NBPF15: variants seen among roughly 807,000 people sequenced by gnomAD.
NBPF15 encodes NBPF member 15.
Under a neutral mutation model 62.2 loss-of-function variants are expected in NBPF15, and 74 were observed. The ratio of observed to expected loss-of-function variants is 1.19; its 90% confidence interval spans 0.99 to 1.44. The LOEUF (loss-of-function observed/expected upper bound fraction) is 1.44. Ranked by LOEUF, NBPF15 falls within the 40% of genes most tolerant of loss-of-function variation. NBPF15 has a pLI of 0.00. For missense variants in NBPF15, 790 were observed against 550.0 expected, an observed-to-expected ratio of 1.44 and a Z score of -4.36; for synonymous variants, 244 against 209.7, an observed-to-expected ratio of 1.16 and a Z score of -1.41.
chr1:144,456,660 T>A lies in NBPF15; in HGVS notation c.-555A>T. The A allele has an allele frequency of 6.8e-7, 1 of 1,465,192 alleles. No individual in the cohort carries two copies. Among genetic ancestry groups the A allele is most frequent in the Admixed American group, 2.2e-5 (1 of 44,858 alleles). 90.8% of individuals were successfully genotyped at this position (1,465,192 alleles called of 1,614,324 possible). ...ACTGGAAGCCCTGGACAGTGGGAGT[T>A]GGTGGCAGCCCCAGCGTGGAGGCCA... On this transcript the variant is annotated 5_prime_UTR_variant, in exon 4 of 22. Coordinates refer to ENST00000581897, the MANE Select transcript of NBPF15 (RefSeq NM_001385408.1).
Position 144,424,523 on chromosome 1 carries a change from T to C in NBPF15, c.1663+167A>G, listed in dbSNP as rs1413166449. Among the ~76,000 whole-genome samples the C allele has an allele frequency of 5.3e-4, 80 of 152,110 alleles. 1 individual carries two copies. Among genetic ancestry groups the C allele is most frequent in the South Asian group, 3.7e-3 (18 of 4,804 alleles). ...GTCTTGCTCACTGACCCATCCCTTGTCTGGGCTTCCAGGTAGAACTAGAGT... is the reference window on the plus strand; with the variant it reads ...GTCTTGCTCACTGACCCATCCCTTGCCTGGGCTTCCAGGTAGAACTAGAGT... On this transcript the variant is annotated intron_variant, in intron 20 of 21. Transcript: ENST00000581897.
In NBPF15 at chr1:144,456,689, A is replaced by T; in HGVS notation, c.-584T>A. 2 of 1,401,574 alleles carry T rather than the reference A, an allele frequency of 1.4e-6. No homozygotes were observed. The highest frequency in any genetic ancestry group is 1.9e-6 in the Non-Finnish European group (2 of 1,065,536). The allele number at this position is 1,401,574 out of a possible 1,614,324, so 86.8% of individuals were successfully genotyped here. ...GGCAGCCCCAGCGTGGAGGCCAAGA[A>T]CACACAGCACTGAAGCTCCAGGACA... On this transcript the variant is annotated 5_prime_UTR_variant, in exon 4 of 22. Transcript: ENST00000581897.
intron 4 of NBPF15, among the ~76,000 whole-genome samples, chr1:144,455,937 G>A (rs1178769330): frequency 1.6e-4 from 25 of 152,010 alleles, no homozygotes; most frequent in Non-Finnish European, 2.9e-5. Context: ...ATTCCACTGT[G>A]GCCCATAAAT....
In NBPF15 at chr1:144,423,063, C is replaced by T. The variant is rs1253560167; in HGVS notation, c.1963G>A (p.Val655Met). Reference protein sequence around the residue: ...YVDNRFFTLTVTSLHLVFQMG... With the variant: ...YVDNRFFTLTMTSLHLVFQMG... ...TGGAACACCAGGTGGAGACTTGTCA[C>T]CGTCAAAGTAAAAAACCTATTGTCC... Residue 655 changes from valine (V) to methionine (M), a missense_variant, in exon 22 of 22, where the codon GTG becomes ATG. Transcript: ENST00000581897. 1.2e-5 allele frequency: 20 copies of T among 1,611,476 alleles called. No homozygotes were observed. The Middle Eastern group carries it at 6.7e-4, about 54-fold the overall frequency.
chr1:144,428,381 C>T lies in NBPF15; in HGVS notation c.1040+225G>A, dbSNP rs1671545364. 3.9e-5 allele frequency among the ~76,000 whole-genome samples: 6 copies of T among 152,014 alleles called. No homozygotes were observed. The South Asian group carries it at 1.3e-3, about 32-fold the overall frequency. On this transcript the variant is annotated intron_variant, in intron 15 of 21. Transcript: ENST00000581897. ...CCCTGCAGTTACCATGAGAATACAGCTTTTGAGGTATGGTCAACCTTCACT... is the reference window on the plus strand; with the variant it reads ...CCCTGCAGTTACCATGAGAATACAGTTTTTGAGGTATGGTCAACCTTCACT...
intron 16 of NBPF15, 77 bp downstream of exon 16, chr1:144,427,741 G>A: frequency 1.7e-6 from 1 of 603,140 alleles, no homozygotes; most frequent in Non-Finnish European, 2.9e-6. Flanking sequence ...AGCTCAGTAA[G>A]GGCCACTTGC....
intron 17 of NBPF15, among the ~76,000 whole-genome samples, chr1:144,426,786 T>C (rs1193299811): frequency 1.3e-5 from 2 of 151,352 alleles, no homozygotes; most frequent in Non-Finnish European, 2.9e-5. Flanking sequence ...GGCTCAATAA[T>C]TTTCCATAAA....
intron 15 of NBPF15, among the ~76,000 whole-genome samples, chr1:144,428,322 C>T (rs1384793765): frequency 2.6e-5 from 4 of 151,774 alleles, no homozygotes; most frequent in African/African-American, 9.7e-5. Flanking sequence ...AAAAGCATGT[C>T]CTCAATAATT....
chr1:144,425,223 T>A (rs200276981), intron 19 of NBPF15, among the ~76,000 whole-genome samples: 24 of 77,098 alleles, frequency 3.1e-4, no homozygotes, highest in Admixed American at 9.6e-4. Context: ...ACAGTGATCA[T>A]GAAAAGACTG....
intron 3 of NBPF15, among the ~76,000 whole-genome samples, chr1:144,458,452 T>C (rs1649848397): frequency 6.6e-6 from 1 of 150,824 alleles, no homozygotes; most frequent in South Asian, 2.1e-4. Context: ...AACACCCGTA[T>C]GTAGCCAAGA....
In NBPF15 at chr1:144,427,965, T is replaced by A; in HGVS notation, c.1066A>T (p.Lys356Ter). The change falls in exon 16 of 22, where the codon AAA (lysine) becomes TAA (stop). Residue 356 changes from lysine to a stop codon, truncating the protein, a stop_gained. Transcript: ENST00000581897. LOFTEE classifies it high-confidence loss of function. Reference protein sequence around the residue: ...PRLSRELLDEKEPEVLQDSLD... With the variant: ...PRLSRELLDE ...GAGTCCTGCAAGACTTCAGGCTCTT[T>A]CTCATCCAGCAGCTCCCTGCTGAGC... 1 of 780,782 alleles carries A rather than the reference T, an allele frequency of 1.3e-6. No homozygotes were observed. The highest frequency in any genetic ancestry group is 2.4e-6 in the Non-Finnish European group (1 of 423,810). 48.4% of individuals were successfully genotyped at this position (780,782 alleles called of 1,614,324 possible).
chr1:144,435,330 T>TGGGACA lies in NBPF15; in HGVS notation c.567-20_567-15dup, dbSNP rs1428519277. 6.5e-7 allele frequency: 1 copy of TGGGACA among 1,527,812 alleles called. No homozygotes were observed. Among genetic ancestry groups the TGGGACA allele is most frequent in the East Asian group, 2.2e-5 (1 of 44,468 alleles). 94.6% of individuals were successfully genotyped at this position (1,527,812 alleles called of 1,614,324 possible). On this transcript the variant is annotated splice_polypyrimidine_tract_variant and intron_variant, in intron 11 of 21. Transcript: ENST00000581897. ...TTCTGCATCTCCCTGATGAGCCAGG[T>TGGGACA]GGGACAGAGATGACAGAAGATTAAA...
rs1670265170 is a variant in NBPF15 at position 144,427,053 on chromosome 1, C to T, written c.1259G>A (p.Cys420Tyr). 4 of 741,386 alleles carry T rather than the reference C, an allele frequency of 5.4e-6. No individual in the cohort carries two copies. The South Asian group carries it at 5.6e-5, about 10-fold the overall frequency. 45.9% of individuals were successfully genotyped at this position (741,386 alleles called of 1,614,324 possible). ...CATAATTGCTCAAAGTTACCTGGGGCATGATGGGTCTTGGTCTTCTTCCAC... is the reference window on the plus strand; with the variant it reads ...CATAATTGCTCAAAGTTACCTGGGGTATGATGGGTCTTGGTCTTCTTCCAC... ...QEVEEDQDPS[C>Y]PRLSRELLDE... The change falls in exon 17 of 22, where the codon TGC (cysteine) becomes TAC (tyrosine). Residue 420 changes from cysteine to tyrosine, a missense_variant. By Grantham distance (194) the Cys-to-Tyr change is radical. Transcript: ENST00000581897.
At chr1:144,431,461 T>C (rs1472448199) in intron 13 of NBPF15, among the ~76,000 whole-genome samples, 14 of 147,046 alleles carry the variant, frequency 9.5e-5, no homozygotes, top group African/African-American at 3.2e-4. Context: ...TCCTTTATTA[T>C]TTTTTGTGTG....
At position 144,423,059 on chromosome 1, in the gene NBPF15, G is replaced by T; in HGVS notation, c.1967C>A (p.Thr656Lys). 6 of 1,611,616 alleles carry T rather than the reference G, an allele frequency of 3.7e-6. No homozygotes were observed. Among genetic ancestry groups the T allele is most frequent in the Non-Finnish European group, 4.2e-6 (5 of 1,179,634 alleles). Residue 656 changes from threonine to lysine, a missense_variant, in exon 22 of 22, where the codon ACA becomes AAA. Transcript: ENST00000581897. The part of the protein sequence containing the change: ...VDNRFFTLTV[T>K]SLHLVFQMGV... Reference sequence around the variant, plus strand: ...CATCTGGAACACCAGGTGGAGACTTGTCACCGTCAAAGTAAAAAACCTATT... The same window carrying T: ...CATCTGGAACACCAGGTGGAGACTTTTCACCGTCAAAGTAAAAAACCTATT...
At chr1:144,459,314 A>T (rs1271119040) in intron 3 of NBPF15, 52 bp downstream of exon 3, 1 of 151,982 alleles carries the variant, frequency 6.6e-6, no homozygotes, top group Non-Finnish European at 1.5e-5. Context: ...AATGTGGCAA[A>T]ACCCCATCTC....
rs1571137315 is a variant in NBPF15, at chr1:144,439,877, A to T, written c.127T>A (p.Phe43Ile). The change falls in exon 8 of 22, where the codon TTT becomes ATT. Residue 43 changes from phenylalanine to isoleucine, a missense_variant. Physicochemically the swap from Phe to Ile is conservative, Grantham distance 21 (BLOSUM62 0). Transcript: ENST00000581897. Reference sequence around the variant, plus strand: ...AGGAAGCCGGCCAGTTGAGTTAGAAAACATTTCTCTTTGAGGTTTCTGAAC... The same window carrying T: ...AGGAAGCCGGCCAGTTGAGTTAGAATACATTTCTCTTTGAGGTTTCTGAAC... ...QQFRNLKEKC[F>I]LTQLAGFLAN... The T allele has an allele frequency of 2.5e-6, 4 of 1,610,806 alleles. No individual in the cohort carries two copies. The highest frequency in any genetic ancestry group is 3.4e-6 in the Non-Finnish European group (4 of 1,178,930).
At chr1:144,453,780 G>A (rs1451537886) in intron 4 of NBPF15, among the ~76,000 whole-genome samples, 2 of 143,916 alleles carry the variant, frequency 1.4e-5, no homozygotes, top group Non-Finnish European at 3.0e-5. Flanking sequence ...AGATATCACT[G>A]TAAACCTATC....
At chr1:144,455,037 GA>G (rs1393068065) in intron 4 of NBPF15, among the ~76,000 whole-genome samples, 8 of 143,430 alleles carry the variant, frequency 5.6e-5, no homozygotes, top group African/African-American at 1.8e-4. Flanking sequence ...GAGAGACAAA[GA>G]AAAAGAAAAG....
Sources: allele counts gnomAD v4.1 joint callset (sites outside exome capture counted in the v4.1 genomes callset), GRCh38; gene constraint gnomAD v4.1.1; transcripts MANE v1.5; gene names NCBI Gene and HGNC (gene_info 2026-07-23, HGNC 2026-07-21).